TSC22D1: variants seen among roughly 807,000 people sequenced by gnomAD.
The protein encoded by TSC22D1 is TSC22 domain family protein 1.
A neutral mutation model predicts 74.2 loss-of-function variants in TSC22D1; 9 were observed. That is an observed-to-expected ratio of 0.12 (90% CI 0.07 to 0.21). TSC22D1 has a LOEUF of 0.21. TSC22D1 is among the 10% of genes least tolerant of loss of function. The pLI is 1.00. For synonymous variants in TSC22D1, 586 were observed against 492.5 expected (o/e 1.19, Z -2.51); for missense variants, 1,427 against 1,304.7 (o/e 1.09, Z -1.44).
At chr13:44,471,445 G>A (rs774319820) in intron 1 of TSC22D1, among the ~76,000 whole-genome samples, 14 of 151,898 alleles carry the variant, frequency 9.2e-5, no homozygotes, top group Admixed American at 1.3e-4. Flanking sequence ...TTAAATAGCC[G>A]GAATGTTAAA....
intron 1 of TSC22D1, among the ~76,000 whole-genome samples, chr13:44,569,600 T>C (rs1444736038): frequency 6.6e-6 from 1 of 152,238 alleles, no homozygotes; most frequent in Non-Finnish European, 1.5e-5. Context: ...AAAATGAGTA[T>C]TACTCCTATT....
At chr13:44,540,070 A>C in intron 1 of TSC22D1, 1 of 460,154 alleles carries the variant, frequency 2.2e-6, no homozygotes, top group East Asian at 7.0e-5. Context: ...TCTTAATTTG[A>C]ATTTTAGAAG....
chr13:44,439,521 C>T (rs1486509548), intron 1 of TSC22D1, among the ~76,000 whole-genome samples: 6 of 152,182 alleles, frequency 3.9e-5, no homozygotes, highest in Admixed American at 2.6e-4. Context: ...GCAAGACAAA[C>T]GATCCATATG....
intron 1 of TSC22D1, among the ~76,000 whole-genome samples, chr13:44,450,457 T>C (rs756556361): frequency 1.3e-5 from 2 of 152,176 alleles, no homozygotes; most frequent in Non-Finnish European, 2.9e-5. Context: ...GCAAGGTCAC[T>C]CTGACCACAA....
intron 1 of TSC22D1, among the ~76,000 whole-genome samples, chr13:44,569,854 CCTG>C (rs1206987809): frequency 2.0e-5 from 3 of 151,982 alleles, no homozygotes; most frequent in Non-Finnish European, 2.9e-5. Flanking sequence ...AGGAGAAATG[CCTG>C]CTAATTAATT....
intron 1 of TSC22D1, among the ~76,000 whole-genome samples, chr13:44,560,845 C>T (rs961252030): frequency 1.3e-5 from 2 of 152,170 alleles, no homozygotes; most frequent in African/African-American, 2.4e-5. Context: ...TATCCTATCA[C>T]AGTTCTTTGG....
chr13:44,437,223 C>T lies in TSC22D1; in HGVS notation c.2913-1128G>A, dbSNP rs981704778. 2.0e-5 allele frequency: 20 copies of T among 985,540 alleles called. No individual in the cohort carries two copies. In the African/African-American group the frequency reaches 3.5e-4, roughly 17 times the overall value. The allele number at this position is 985,540 out of a possible 1,614,324, so 61.0% of individuals were successfully genotyped here. A position where few individuals can be genotyped will look rare whatever the true frequency, so the allele number is the denominator to read the frequency against. On this transcript the variant is annotated intron_variant, in intron 1 of 2. Coordinates refer to ENST00000458659, the MANE Select transcript of TSC22D1 (RefSeq NM_183422.4). The stretch of plus-strand genomic sequence containing the variant: ...TCCCCGGAGCTGTGTCCCGCGGCTG[C>T]TTAACGGCGAAAGCTTCCTATTTGT...
At chr13:44,510,121 C>G (rs1879641226) in intron 1 of TSC22D1, among the ~76,000 whole-genome samples, 2 of 151,678 alleles carry the variant, frequency 1.3e-5, no homozygotes, top group African/African-American at 4.8e-5. Context: ...CGGTGGCTCA[C>G]ACCTGTAATC....
At chr13:44,452,066 G>A (rs1161619947) in intron 1 of TSC22D1, among the ~76,000 whole-genome samples, 2 of 152,210 alleles carry the variant, frequency 1.3e-5, no homozygotes, top group East Asian at 3.9e-4. Flanking sequence ...CAAATTGCTA[G>A]AGACACAAGC....
chr13:44,450,068 G>C (rs1286425215), intron 1 of TSC22D1, among the ~76,000 whole-genome samples: 1 of 152,198 alleles, frequency 6.6e-6, no homozygotes, highest in Non-Finnish European at 1.5e-5. Context: ...ATGGTTAGCA[G>C]AAAGCAGCCT....
At chr13:44,531,498 T>C (rs1253276606) in intron 1 of TSC22D1, among the ~76,000 whole-genome samples, 1 of 152,120 alleles carries the variant, frequency 6.6e-6, no homozygotes, top group African/African-American at 2.4e-5. Context: ...ATTATCACCT[T>C]TCTCACAGGT....
At chr13:44,546,749 C>CAT (rs150455555) in intron 1 of TSC22D1, among the ~76,000 whole-genome samples, 2 of 146,646 alleles carry the variant, frequency 1.4e-5, no homozygotes, top group Non-Finnish European at 3.0e-5. Context: ...GTGTGAAATA[C>CAT]GTGTGTGTGT....
chr13:44,456,834 A>G (rs1478657736), intron 1 of TSC22D1, among the ~76,000 whole-genome samples: 3 of 152,222 alleles, frequency 2.0e-5, no homozygotes, highest in Non-Finnish European at 4.4e-5. Flanking sequence ...CTAGAACAAA[A>G]TACCAAAAAG....
At chr13:44,538,149 T>C in intron 1 of TSC22D1, 1 of 985,312 alleles carries the variant, frequency 1.0e-6, no homozygotes, top group East Asian at 1.1e-4. Flanking sequence ...ACTACTGTTT[T>C]GTGACAGTAC....
intron 1 of TSC22D1, among the ~76,000 whole-genome samples, chr13:44,509,098 A>G (rs1406273495): frequency 2.0e-5 from 3 of 152,168 alleles, no homozygotes; most frequent in Non-Finnish European, 4.4e-5. Context: ...GACCCAATAT[A>G]AAGTGAAAAT....
chr13:44,561,748 C>T (rs999352579), intron 1 of TSC22D1, among the ~76,000 whole-genome samples: 1 of 152,052 alleles, frequency 6.6e-6, no homozygotes, highest in Non-Finnish European at 1.5e-5. Context: ...CCAAGCCATT[C>T]CTTAAAATAT....
chr13:44,535,621 AAAAC>A (rs142334696), intron 1 of TSC22D1, among the ~76,000 whole-genome samples: 3,623 of 151,442 alleles, frequency 0.024, 73 homozygotes, highest in South Asian at 0.045. Flanking sequence ...GAAGCTACAA[AAAAC>A]AAACAAACAA....
At chr13:44,510,203 G>A (rs749421237) in intron 1 of TSC22D1, among the ~76,000 whole-genome samples, 6 of 150,780 alleles carry the variant, frequency 4.0e-5, no homozygotes, top group Non-Finnish European at 8.9e-5. Context: ...GACCAACATG[G>A]AGAAACCCTG....
intron 1 of TSC22D1, among the ~76,000 whole-genome samples, chr13:44,552,573 T>C (rs1361844678): frequency 3.9e-5 from 6 of 152,248 alleles, no homozygotes; most frequent in Non-Finnish European, 5.9e-5. Context: ...CCTGCAAATA[T>C]GTCAGTGCCG....
Sources: allele counts gnomAD v4.1 joint callset (sites outside exome capture counted in the v4.1 genomes callset), GRCh38; gene constraint gnomAD v4.1.1; transcripts MANE v1.5; gene names NCBI Gene and HGNC (gene_info 2026-07-23, HGNC 2026-07-21).